ADK: variants seen among roughly 807,000 people sequenced by gnomAD.
The protein encoded by ADK is N6,N6-dimethyladenosine kinase.
Under a neutral mutation model 44.7 loss-of-function variants are expected in ADK, and 24 were observed. That is an observed-to-expected ratio of 0.54 (90% CI 0.39 to 0.76). ADK has a LOEUF of 0.76. Ranked by LOEUF, ADK falls within the 30% of genes least tolerant of loss-of-function variation. ADK has a pLI of 0.00. For synonymous variants in ADK, 128 were observed against 142.6 expected, an observed-to-expected ratio of 0.90 and a Z score of 0.73; for missense variants, 321 against 425.1, an observed-to-expected ratio of 0.76 and a Z score of 2.15.
intron 9 of ADK, among the ~76,000 whole-genome samples, chr10:74,638,480 G>A (rs1330327602): frequency 6.6e-6 from 1 of 152,078 alleles, no homozygotes; most frequent in African/African-American, 2.4e-5. Context: ...TGGGAACATA[G>A]TGAGACCCTG....
At chr10:74,446,664 A>G (rs1327652097) in intron 6 of ADK, among the ~76,000 whole-genome samples, 1 of 152,192 alleles carries the variant, frequency 6.6e-6, no homozygotes, top group African/African-American at 2.4e-5. Flanking sequence ...CCATGTACAT[A>G]CAGTGAATGA....
intron 3 of ADK, among the ~76,000 whole-genome samples, chr10:74,314,375 CATTTGGCAATCT>C (rs2131803441): frequency 6.6e-6 from 1 of 152,158 alleles, no homozygotes; most frequent in South Asian, 2.1e-4. Flanking sequence ...ACGTGACCTC[CATTTGGCAATCT>C]ATTAATTATT....
At chr10:74,326,618 A>G (rs1190572614) in intron 4 of ADK, among the ~76,000 whole-genome samples, 1 of 152,138 alleles carries the variant, frequency 6.6e-6, no homozygotes, top group Admixed American at 6.5e-5. Flanking sequence ...CTCTTTAAAA[A>G]AACAGAACAA....
intron 6 of ADK, among the ~76,000 whole-genome samples, chr10:74,481,344 T>C (rs935330878): frequency 6.6e-6 from 1 of 152,202 alleles, no homozygotes; most frequent in Non-Finnish European, 1.5e-5. Flanking sequence ...TCACTTTTCC[T>C]CTTGTTCTGT....
intron 4 of ADK, among the ~76,000 whole-genome samples, chr10:74,340,906 A>G (rs1369551609): frequency 1.3e-5 from 2 of 152,220 alleles, no homozygotes; most frequent in African/African-American, 2.4e-5. Context: ...TGTTATTGGA[A>G]CATTGGAACA....
chr10:74,552,912 ATCAAAAGGAC>A, intron 7 of ADK, among the ~76,000 whole-genome samples: 1 of 152,188 alleles, frequency 6.6e-6, no homozygotes, highest in Non-Finnish European at 1.5e-5. Context: ...AATGGTTAAA[ATCAAAAGGAC>A]TACTAATTGT....
chr10:74,346,066 A>T (rs1841753912), intron 4 of ADK, among the ~76,000 whole-genome samples: 1 of 152,064 alleles, frequency 6.6e-6, no homozygotes, highest in Non-Finnish European at 1.5e-5. Flanking sequence ...CTAATTTTGT[A>T]TTTTTAGTAG....
chr10:74,318,024 C>T (rs1375776408), intron 4 of ADK, among the ~76,000 whole-genome samples: 1 of 152,200 alleles, frequency 6.6e-6, no homozygotes, highest in African/African-American at 2.4e-5. Flanking sequence ...TTGTGATCCA[C>T]CCGCCTCGGC....
chr10:74,421,690 T>G (rs570238764), intron 6 of ADK, among the ~76,000 whole-genome samples: 1 of 152,106 alleles, frequency 6.6e-6, no homozygotes, highest in African/African-American at 2.4e-5. Context: ...GGGCTGGTGA[T>G]GGGAAAATAC....
intron 9 of ADK, among the ~76,000 whole-genome samples, chr10:74,648,571 G>A (rs930262112): frequency 2.6e-5 from 4 of 151,794 alleles, no homozygotes; most frequent in Admixed American, 6.6e-5. Context: ...CCTGCTACTC[G>A]GGAGGCTGAG....
At position 74,398,519 on chromosome 10, in the gene ADK, A is replaced by C; in HGVS notation, c.495A>C (p.Lys165Asn). The change falls in exon 6 of 11, where the codon AAA (lysine) becomes AAC (asparagine). Residue 165 changes from lysine to asparagine, a missense_variant. By Grantham distance (94) the Lys-to-Asn change is moderately conservative. Coordinates refer to ENST00000539909, the MANE Select transcript of ADK (RefSeq NM_006721.4). The stretch of plus-strand genomic sequence containing the variant: ...CTGCCAATTGTTATAAAAAGGAAAA[A>C]CATCTTGATCTGGAGAAAAACTGGA... ...LAAANCYKKE[K>N]HLDLEKNWML... is the part of the protein sequence containing the mutation. 6.2e-7 allele frequency: 1 copy of C among 1,611,952 alleles called. No individual in the cohort carries two copies. The highest frequency in any genetic ancestry group is 8.5e-7 in the Non-Finnish European group (1 of 1,178,654).
At chr10:74,187,134 G>A (rs1842792586) in intron 1 of ADK, among the ~76,000 whole-genome samples, 1 of 151,998 alleles carries the variant, frequency 6.6e-6, no homozygotes, top group African/African-American at 2.4e-5. Context: ...GCATTCTCCT[G>A]AGTGTGTACT....
chr10:74,449,285 C>A (rs550709730), intron 6 of ADK, among the ~76,000 whole-genome samples: 1 of 152,294 alleles, frequency 6.6e-6, no homozygotes, highest in South Asian at 2.1e-4. Context: ...CAGGCTTTTA[C>A]TTTCAACTGA....
At chr10:74,455,479 A>G (rs1041837604) in intron 6 of ADK, among the ~76,000 whole-genome samples, 4 of 151,962 alleles carry the variant, frequency 2.6e-5, no homozygotes, top group African/African-American at 9.7e-5. Flanking sequence ...TATGAAGCTT[A>G]GTTTGGCTGG....
intron 3 of ADK, among the ~76,000 whole-genome samples, chr10:74,277,924 G>T (rs1442961743): frequency 6.6e-6 from 1 of 151,848 alleles, no homozygotes; most frequent in Non-Finnish European, 1.5e-5. Context: ...TCTAATTATT[G>T]GATGCAGAAA....
chr10:74,336,230 T>C (rs1841404836), intron 4 of ADK, among the ~76,000 whole-genome samples: 1 of 152,180 alleles, frequency 6.6e-6, no homozygotes, highest in Admixed American at 6.5e-5. Flanking sequence ...TGTTTTTTGC[T>C]ATTGTTTTTT....
At chr10:74,631,759 T>A (rs530169246) in intron 9 of ADK, among the ~76,000 whole-genome samples, 58 of 152,268 alleles carry the variant, frequency 3.8e-4, no homozygotes, top group African/African-American at 1.3e-3. Flanking sequence ...TTAAGTTTTT[T>A]AAATATATAG....
chr10:74,258,158 T>A (rs1309183960), intron 3 of ADK, among the ~76,000 whole-genome samples: 1 of 152,212 alleles, frequency 6.6e-6, no homozygotes, highest in Admixed American at 6.5e-5. Context: ...AAGTATTTTT[T>A]TAGTGTAGTT....
intron 1 of ADK, among the ~76,000 whole-genome samples, chr10:74,199,787 C>G (rs1324705223): frequency 1.3e-5 from 2 of 152,088 alleles, no homozygotes; most frequent in African/African-American, 4.8e-5. Context: ...TCAAGTGATT[C>G]TCCTGCATCA....
Sources: gnomAD v4.1 joint callset for allele counts (sites outside exome capture counted in the v4.1 genomes callset) on GRCh38, gnomAD v4.1.1 for gene constraint, MANE v1.5 for transcripts, NCBI Gene and HGNC (gene_info 2026-07-23, HGNC 2026-07-21) for gene names.